The following ARHGAP35 variants were observed in gnomAD, a reference collection of about 807,000 sequenced individuals.
The protein encoded by ARHGAP35 is Rho GTPase activating protein 35.
In ARHGAP35, 15 loss-of-function variants were observed where a neutral mutation model predicts 111.1. The ratio of observed to expected loss-of-function variants is 0.13; its 90% CI spans 0.09 to 0.21. The LOEUF is 0.21. ARHGAP35 is among the 10% of genes least tolerant of loss of function. The pLI is 1.00. For synonymous variants in ARHGAP35, 643 were observed against 710.3 expected (o/e 0.91, Z 1.51); for missense variants, 1,262 against 1,873.0 (o/e 0.67, Z 6.02).
chr19:46,886,406 C>CT (rs1319210685), intron 1 of ARHGAP35, among the ~76,000 whole-genome samples: 5 of 149,788 alleles, frequency 3.3e-5, no homozygotes, highest in Non-Finnish European at 5.9e-5. Context: ...TTTTTCTTTT[C>CT]TTTTTTTCCT....
chr19:46,875,345 T>G (rs941091026), intron 1 of ARHGAP35, among the ~76,000 whole-genome samples: 1 of 152,146 alleles, frequency 6.6e-6, no homozygotes, highest in African/African-American at 2.4e-5. Context: ...TGTCTTTTGT[T>G]CCTCCATTTG....
intron 3 of ARHGAP35, among the ~76,000 whole-genome samples, chr19:46,961,734 A>AG (rs1310069726): frequency 6.6e-6 from 1 of 152,186 alleles, no homozygotes; most frequent in East Asian, 1.9e-4. Context: ...GTTCAAGACC[A>AG]GCCTGGCTAA....
intron 2 of ARHGAP35, among the ~76,000 whole-genome samples, chr19:46,933,813 C>T (rs1049260505): frequency 6.6e-6 from 1 of 152,016 alleles, no homozygotes; most frequent in Non-Finnish European, 1.5e-5. Context: ...AGAGCGAGAC[C>T]CTATCTAAAA....
intron 1 of ARHGAP35, among the ~76,000 whole-genome samples, chr19:46,917,914 A>G (rs1447016190): frequency 6.6e-6 from 1 of 152,150 alleles, no homozygotes; most frequent in African/African-American, 2.4e-5. Context: ...GGGTTTCACC[A>G]TGTTGGCCAG....
At chr19:46,987,934 C>T in intron 3 of ARHGAP35, 55 bp from the exon 4 acceptor site, 2 of 1,571,008 alleles carry the variant, frequency 1.3e-6, no homozygotes, top group Admixed American at 3.5e-5. Flanking sequence ...GCCCAGCCCT[C>T]CTCATTCTCT....
chr19:46,934,858 A>C (rs956014984), intron 2 of ARHGAP35, among the ~76,000 whole-genome samples: 1 of 151,722 alleles, frequency 6.6e-6, no homozygotes, highest in African/African-American at 2.4e-5. Context: ...TTTTTTGTAG[A>C]GATGGGGTTT....
At chr19:46,916,903 A>T (rs2056167436) in intron 1 of ARHGAP35, among the ~76,000 whole-genome samples, 1 of 152,148 alleles carries the variant, frequency 6.6e-6, no homozygotes, top group African/African-American at 2.4e-5. Context: ...GATAGATTTT[A>T]TAGATTTACA....
At chr19:46,898,374 A>G (rs1263607228) in intron 1 of ARHGAP35, among the ~76,000 whole-genome samples, 1 of 152,230 alleles carries the variant, frequency 6.6e-6, no homozygotes, top group Non-Finnish European at 1.5e-5. Context: ...CTAAAAAATT[A>G]AAAAGAAAAA....
chr19:46,977,928 G>A (rs1402595901), intron 3 of ARHGAP35, among the ~76,000 whole-genome samples: 3 of 152,242 alleles, frequency 2.0e-5, no homozygotes, highest in Admixed American at 1.3e-4. Flanking sequence ...CCGGCACTGC[G>A]TAAATGTAAG....
intron 3 of ARHGAP35, among the ~76,000 whole-genome samples, chr19:46,942,424 G>A (rs931757206): frequency 1.3e-5 from 2 of 152,060 alleles, no homozygotes; most frequent in African/African-American, 4.8e-5. Context: ...CTTGATGTCA[G>A]GAGTTCCAGA....
At position 46,988,099 on chromosome 19, in the gene ARHGAP35, A is replaced by G. The variant is rs1367190903; in HGVS notation, c.3904+33A>G. On this transcript the variant is annotated intron_variant, in intron 4 of 6. Transcript: ENST00000672722. This position sits in a 1 kb window ranked among gnomAD's most constrained non-coding sequence, Gnocchi z 5.4. The stretch of plus-strand genomic sequence containing the variant: ...GCAGCCTGGCCAGGCATCCGAGGCC[A>G]GAGCTGGTCAAGGCAGACACAGCTG... 6.2e-7 allele frequency: 1 copy of G among 1,603,138 alleles called. No homozygotes were observed. The highest frequency in any genetic ancestry group is 1.3e-5 in the African/African-American group (1 of 74,746).
intron 3 of ARHGAP35, among the ~76,000 whole-genome samples, chr19:46,973,433 G>A (rs911152364): frequency 1.3e-5 from 2 of 152,318 alleles, no homozygotes; most frequent in South Asian, 2.1e-4. Flanking sequence ...TGTAATCCCT[G>A]TAATCCCAGC....
chr19:46,962,036 G>A (rs1329231683), intron 3 of ARHGAP35, among the ~76,000 whole-genome samples: 1 of 152,086 alleles, frequency 6.6e-6, no homozygotes, highest in Non-Finnish European at 1.5e-5. Flanking sequence ...CCTTGGGGAG[G>A]GAGTAGAGGC....
rs1329948310 is a variant in ARHGAP35 at position 47,000,609 on chromosome 19, C to T, written c.4421C>T (p.Pro1474Leu). 1 of 1,613,080 alleles carries T rather than the reference C, an allele frequency of 6.2e-7. No homozygotes were observed. Among genetic ancestry groups the T allele is most frequent in the Admixed American group, 1.7e-5 (1 of 59,954 alleles). ...CCTGTCACAAGTCAGCCGTCGCCCC[C>T]ACAGTCGCCTCCACCCACCCCCCAG... Reference protein sequence around the residue: ...STPVTSQPSPPQSPPPTPQSP... With the variant: ...STPVTSQPSPLQSPPPTPQSP... The change falls in exon 7 of 7, where the codon CCA becomes CTA. Residue 1474 changes from proline (P) to leucine (L), a missense_variant. Pro to Leu is a moderately conservative substitution (Grantham distance 98). Transcript: ENST00000672722. The surrounding 1 kb of genome is among the most constrained non-coding windows in gnomAD (Gnocchi z 6.9).
chr19:46,894,156 A>G (rs916840418), intron 1 of ARHGAP35, among the ~76,000 whole-genome samples: 6 of 152,142 alleles, frequency 3.9e-5, no homozygotes, highest in Non-Finnish European at 5.9e-5. Context: ...ATTAGGATGC[A>G]ATCCCTTGCC....
chr19:46,934,119 G>T (rs2056289779), intron 2 of ARHGAP35, among the ~76,000 whole-genome samples: 1 of 152,176 alleles, frequency 6.6e-6, no homozygotes, highest in Non-Finnish European at 1.5e-5. Flanking sequence ...TATTCTGTAG[G>T]ATTTGAGATT....
chr19:46,961,525 G>A (rs1379968242), intron 3 of ARHGAP35, among the ~76,000 whole-genome samples: 3 of 152,128 alleles, frequency 2.0e-5, no homozygotes, highest in Non-Finnish European at 2.9e-5. Context: ...TCCACAACAT[G>A]GGTGAATCTC....
At chr19:46,979,334 C>T (rs531757464) in intron 3 of ARHGAP35, among the ~76,000 whole-genome samples, 33 of 152,266 alleles carry the variant, frequency 2.2e-4, no homozygotes, top group African/African-American at 7.9e-4. Flanking sequence ...CCAGCTGCTC[C>T]TGGCTTTGAA....
chr19:46,872,851 G>A (rs1359172305), intron 1 of ARHGAP35, among the ~76,000 whole-genome samples: 4 of 150,434 alleles, frequency 2.7e-5, no homozygotes, highest in Admixed American at 2.0e-4. Flanking sequence ...ACTACACTCC[G>A]GCCTGGGCGA....
Sources: gnomAD v4.1 joint callset for allele counts (sites outside exome capture counted in the v4.1 genomes callset) on GRCh38, gnomAD v4.1.1 for gene constraint, Gnocchi (gnomAD v3.1) non-coding constraint, MANE v1.5 for transcripts, NCBI Gene and HGNC (gene_info 2026-07-23, HGNC 2026-07-21) for gene names.